Variants in SIPA1L3 observed in about 807,000 individuals in gnomAD.
The protein encoded by SIPA1L3 is signal-induced proliferation-associated 1-like protein 3.
A neutral mutation model predicts 150.1 loss-of-function variants in SIPA1L3; 59 were observed. That is an observed-to-expected ratio of 0.39 (90% confidence interval 0.32 to 0.49). The LOEUF (loss-of-function observed/expected upper bound fraction) is 0.49. Among genes scored for constraint, SIPA1L3 ranks in the 20% least tolerant of loss-of-function variants. The pLI, the probability that SIPA1L3 is intolerant of heterozygous loss-of-function variation, is 0.86. For synonymous variants in SIPA1L3, 1,070 were observed against 1,077.6 expected (o/e 0.99, Z 0.14); for missense variants, 2,211 against 2,489.5 (o/e 0.89, Z 2.38).
chr19:38,153,168 A>G (rs901330434), intron 13 of SIPA1L3, among the ~76,000 whole-genome samples: 1 of 152,242 alleles, frequency 6.6e-6, no homozygotes, highest in Non-Finnish European at 1.5e-5. Flanking sequence ...CCGTCCAGAC[A>G]GGGCATCGGC....
chr19:38,166,989 C>T (rs1030784216), intron 15 of SIPA1L3, among the ~76,000 whole-genome samples: 1 of 151,650 alleles, frequency 6.6e-6, no homozygotes, highest in Non-Finnish European at 1.5e-5. Context: ...AATCCCAGCA[C>T]TTTGGGAGGC....
At chr19:38,106,377 G>A in intron 6 of SIPA1L3, 160 bp from the exon 7 acceptor site, 1 of 625,676 alleles carries the variant, frequency 1.6e-6, no homozygotes, top group Non-Finnish European at 2.9e-6. Flanking sequence ...AAAGTGCTGG[G>A]ATTATAGGTG....
rs370485156 is a variant in SIPA1L3 at position 38,177,713 on chromosome 19, G to A, written c.4209-4806G>A. On this transcript the variant is annotated intron_variant, in intron 15 of 21. Coordinates refer to ENST00000222345, the MANE Select transcript of SIPA1L3 (RefSeq NM_015073.3). ...ACAGAGATTGACCTTTGCACTGGCT[G>A]CATAGTTTTTGATCATAAGGATATG... Among the ~76,000 whole-genome samples the A allele has an allele frequency of 1.7e-3, 264 of 151,948 alleles. 1 individual carries two copies. The highest frequency in any genetic ancestry group is 3.4e-3 in the Middle Eastern group (1 of 292).
At chr19:37,908,032 A>T (rs1346472929) in intron 1 of SIPA1L3, 1 of 152,236 alleles carries the variant, frequency 6.6e-6, no homozygotes, top group African/African-American at 2.4e-5. Context: ...GGATTTAAAT[A>T]GCAACCACTT....
At chr19:38,087,067 A>G (rs1224602009) in intron 3 of SIPA1L3, among the ~76,000 whole-genome samples, 1 of 152,186 alleles carries the variant, frequency 6.6e-6, no homozygotes, top group Non-Finnish European at 1.5e-5. Flanking sequence ...GACTTAGCGC[A>G]GGGTTCTTTG....
Position 37,992,775 on chromosome 19 carries a change from C to T in SIPA1L3, c.-378-36314C>T, listed in dbSNP as rs568894533. Reference sequence around the variant, plus strand: ...ATGTGGTTTTTGTGGGCCTGTTTTCCTCCTTTCAGAGGAGAGTGGCCTTTC... The same window carrying T: ...ATGTGGTTTTTGTGGGCCTGTTTTCTTCCTTTCAGAGGAGAGTGGCCTTTC... On this transcript the variant is annotated intron_variant, in intron 1 of 21. Coordinates refer to ENST00000222345, the MANE Select transcript of SIPA1L3 (RefSeq NM_015073.3). Among the ~76,000 whole-genome samples the T allele has an allele frequency of 7.9e-5, 12 of 152,240 alleles. No individual in the cohort carries two copies. In the South Asian group the frequency reaches 1.9e-3, roughly 24 times the overall value.
rs142161929 is a variant in SIPA1L3 at position 38,047,616 on chromosome 19, G to A, written c.-311+18460G>A. On this transcript the variant is annotated intron_variant, in intron 2 of 21. Coordinates refer to ENST00000222345, the MANE Select transcript of SIPA1L3 (RefSeq NM_015073.3). The surrounding 1 kb of genome is among the most constrained non-coding windows in gnomAD (Gnocchi z 4.7). Reference sequence around the variant, plus strand: ...GTCACAGGCGATCTGTGGGTAGAGCGATGATTGAACCCGGGCCGGGCTGAC... The same window carrying A: ...GTCACAGGCGATCTGTGGGTAGAGCAATGATTGAACCCGGGCCGGGCTGAC... Among the ~76,000 whole-genome samples the A allele has an allele frequency of 3.5e-3, 526 of 152,328 alleles. 3 individuals are homozygous for A. Among genetic ancestry groups the A allele is most frequent in the African/African-American group, 0.012 (505 of 41,576 alleles).
intron 6 of SIPA1L3, among the ~76,000 whole-genome samples, chr19:38,104,305 C>T (rs373697735): frequency 3.9e-5 from 6 of 152,226 alleles, no homozygotes; most frequent in African/African-American, 1.2e-4. Context: ...TTGCTAGTTT[C>T]GTGATCTTGG....
chr19:38,186,387 A>G (rs2146032585), intron 16 of SIPA1L3: 1 of 152,050 alleles, frequency 6.6e-6, no homozygotes, highest in Non-Finnish European at 1.5e-5. Context: ...ATCTCGGCTC[A>G]CTGCAACCTC....
intron 1 of SIPA1L3, among the ~76,000 whole-genome samples, chr19:37,937,271 T>G (rs1053449840): frequency 1.3e-5 from 2 of 152,190 alleles, no homozygotes; most frequent in Non-Finnish European, 2.9e-5. Flanking sequence ...TATTCATCTA[T>G]CATAATGAAC....
At position 37,921,336 on chromosome 19, in the gene SIPA1L3, GA is replaced by G. The variant is rs576000799; in HGVS notation, c.-379+13979del. Among the ~76,000 whole-genome samples the G allele has an allele frequency of 1.1e-3, 167 of 152,304 alleles. 1 individual carries two copies. The highest frequency in any genetic ancestry group is 3.9e-3 in the African/African-American group (163 of 41,568). On this transcript the variant is annotated intron_variant, in intron 1 of 21. Coordinates refer to ENST00000222345, the MANE Select transcript of SIPA1L3 (RefSeq NM_015073.3). ...TTCTTATGCGGAAGTGGCAGGAAAA[GA>G]GGGAAACGTTTGGGGGCTTCTCCTG...
chr19:38,108,850 G>T (rs529187077), intron 7 of SIPA1L3, among the ~76,000 whole-genome samples: 1 of 152,082 alleles, frequency 6.6e-6, no homozygotes, highest in Non-Finnish European at 1.5e-5. Context: ...TTAACTGGGC[G>T]TGGTGGCGCA....
At chr19:38,170,470 T>G (rs984779123) in intron 15 of SIPA1L3, among the ~76,000 whole-genome samples, 2 of 152,210 alleles carry the variant, frequency 1.3e-5, no homozygotes, top group African/African-American at 4.8e-5. Context: ...CCTCTGCTCC[T>G]GGAAGGCAGG....
chr19:37,954,821 T>G (rs573686175), intron 1 of SIPA1L3, among the ~76,000 whole-genome samples: 1 of 152,228 alleles, frequency 6.6e-6, no homozygotes, highest in African/African-American at 2.4e-5. Flanking sequence ...GCGCAGTGGC[T>G]TATGCCTGTA....
At chr19:38,177,537 A>T (rs1972463080) in intron 15 of SIPA1L3, among the ~76,000 whole-genome samples, 1 of 152,128 alleles carries the variant, frequency 6.6e-6, no homozygotes, top group African/African-American at 2.4e-5. Context: ...GGACAAAAAA[A>T]AGTATAAAAT....
At chr19:38,011,302 C>T (rs1256446367) in intron 1 of SIPA1L3, among the ~76,000 whole-genome samples, 2 of 152,016 alleles carry the variant, frequency 1.3e-5, no homozygotes, top group African/African-American at 4.8e-5. Context: ...TGGTGAAACC[C>T]CCTCTCTACA....
In SIPA1L3 at chr19:38,128,046, CTTTTTTT is replaced by C. The variant is rs34053188; in HGVS notation, c.2869-2430_2869-2424del. The stretch of plus-strand genomic sequence containing the variant: ...AGAGGTGAACAAGTTCCTTGGGCCT[CTTTTTTT>C]TTTTTTTTTTTTTTTTTTTTTGAGA... On this transcript the variant is annotated intron_variant, in intron 9 of 21. Coordinates refer to ENST00000222345, the MANE Select transcript of SIPA1L3 (RefSeq NM_015073.3). 1.5e-3 allele frequency among the ~76,000 whole-genome samples: 97 copies of C among 66,580 alleles called. 1 individual carries two copies. The highest frequency in any genetic ancestry group is 4.4e-3 in the African/African-American group (78 of 17,814). 43.7% of individuals were successfully genotyped at this position (66,580 alleles called of 152,430 possible).
chr19:38,039,011 G>A (rs1049738635), intron 2 of SIPA1L3, among the ~76,000 whole-genome samples: 4 of 152,100 alleles, frequency 2.6e-5, no homozygotes, highest in Admixed American at 2.6e-4. Flanking sequence ...AGCCTCCTGA[G>A]TAGCTGGACC....
intron 7 of SIPA1L3, among the ~76,000 whole-genome samples, chr19:38,107,519 G>A (rs1297277489): frequency 6.6e-6 from 1 of 152,220 alleles, no homozygotes; most frequent in African/African-American, 2.4e-5. Flanking sequence ...TGCAGGCTGG[G>A]CCCACAGAGC....
Sources: allele counts gnomAD v4.1 joint callset (sites outside exome capture counted in the v4.1 genomes callset), GRCh38; gene constraint gnomAD v4.1.1; non-coding constraint Gnocchi (gnomAD v3.1); transcripts MANE v1.5; gene names NCBI Gene and HGNC (gene_info 2026-07-23, HGNC 2026-07-21).